ZDHHC2: variants seen among roughly 807,000 people sequenced by gnomAD.
The protein encoded by ZDHHC2 is zDHHC palmitoyltransferase 2.
A neutral mutation model predicts 55.6 loss-of-function variants in ZDHHC2; 51 were observed. The ratio of observed to expected loss-of-function variants is 0.92; its 90% CI spans 0.73 to 1.16. The LOEUF (loss-of-function observed/expected upper bound fraction) is 1.16. ZDHHC2 is among the 50% of genes most tolerant of loss of function. The pLI, the probability that ZDHHC2 is intolerant of heterozygous loss-of-function variation, is 0.00. For missense variants in ZDHHC2, 491 were observed against 442.4 expected, an observed-to-expected ratio of 1.11 and a Z score of -0.99; for synonymous variants, 199 against 152.9, an observed-to-expected ratio of 1.30 and a Z score of -2.22.
rs377155242 is a variant in ZDHHC2 at position 17,199,637 on chromosome 8, TCTCCTCCTCCTCCTC to T, written c.476+1226_476+1240del. 2.2e-4 allele frequency among the ~76,000 whole-genome samples: 22 copies of T among 98,504 alleles called. 1 individual carries two copies. Among genetic ancestry groups the T allele is most frequent in the South Asian group, 1.2e-3 (4 of 3,268 alleles). The allele number at this position is 98,504 out of a possible 152,430, so 64.6% of individuals were successfully genotyped here. On this transcript the variant is annotated intron_variant, in intron 6 of 12. Coordinates refer to ENST00000262096, the MANE Select transcript of ZDHHC2 (RefSeq NM_016353.5). ...CTTCTTCTTCTTCCTTTCTTCTTCT[TCTCCTCCTCCTCCTC>T]CCTCCTCCCTCCTCCCTCCTTCTTC... is the stretch of plus-strand genomic sequence containing the variant.
intron 1 of ZDHHC2, among the ~76,000 whole-genome samples, chr8:17,157,942 C>T (rs866554272): frequency 2.6e-5 from 4 of 152,262 alleles, no homozygotes; most frequent in Middle Eastern, 3.4e-3. Flanking sequence ...AGCCATCTTA[C>T]CTCAAAATGT....
At chr8:17,172,770 A>C (rs1159329833) in intron 1 of ZDHHC2, among the ~76,000 whole-genome samples, 1 of 152,032 alleles carries the variant, frequency 6.6e-6, no homozygotes, top group African/African-American at 2.4e-5. Flanking sequence ...AATTGGAGTA[A>C]TTATCGTTCC....
intron 1 of ZDHHC2, among the ~76,000 whole-genome samples, chr8:17,160,677 C>A (rs961575888): frequency 6.6e-6 from 1 of 152,180 alleles, no homozygotes; most frequent in Non-Finnish European, 1.5e-5. Flanking sequence ...AGAGAGTTGA[C>A]AGAGCTCTGA....
At chr8:17,215,461 G>A (rs1807605009) in intron 11 of ZDHHC2, 112 bp downstream of exon 11, 1 of 819,760 alleles carries the variant, frequency 1.2e-6, no homozygotes, top group Non-Finnish European at 2.0e-6. Context: ...TTTGGAGTCA[G>A]ACTTCTATTC....
At chr8:17,209,350 C>T (rs1807260190) in intron 8 of ZDHHC2, among the ~76,000 whole-genome samples, 2 of 152,064 alleles carry the variant, frequency 1.3e-5, no homozygotes, top group African/African-American at 2.4e-5. Context: ...AATACTTAGC[C>T]AGGCATGGTG....
chr8:17,201,578 C>T (rs1166615283), intron 6 of ZDHHC2, among the ~76,000 whole-genome samples: 2 of 145,696 alleles, frequency 1.4e-5, no homozygotes, highest in East Asian at 2.1e-4. Context: ...CTGCAAGCTC[C>T]GCCTCCTGGG....
rs562850565 is a variant in ZDHHC2, at chr8:17,191,558, C to T, written c.253-3946C>T. Among the ~76,000 whole-genome samples the T allele has an allele frequency of 6.3e-4, 96 of 152,336 alleles. 1 individual carries two copies. Among genetic ancestry groups the T allele is most frequent in the Non-Finnish European group, 7.1e-4 (48 of 68,032 alleles). ...TTTAGCTCCCACAAGTAAGTGAGAG[C>T]ATGCAAAGTTTGTCTTTCTCTGCCT... On this transcript the variant is annotated intron_variant, in intron 3 of 12. Coordinates refer to ENST00000262096, the MANE Select transcript of ZDHHC2 (RefSeq NM_016353.5).
intron 2 of ZDHHC2, among the ~76,000 whole-genome samples, chr8:17,185,199 G>T (rs1024001594): frequency 6.6e-6 from 1 of 152,048 alleles, no homozygotes; most frequent in African/African-American, 2.4e-5. Flanking sequence ...GATTCTATGA[G>T]TATCCTCATT....
In ZDHHC2 at chr8:17,224,698, T is replaced by C. The variant is rs892147326; in HGVS notation, c.*4477T>C. ...TCTCCTGTTGTATTTTTCTCAGTTATGAGAGCAAGGCTATTTTGTCAGTTT... is the reference window on the plus strand; with the variant it reads ...TCTCCTGTTGTATTTTTCTCAGTTACGAGAGCAAGGCTATTTTGTCAGTTT... On this transcript the variant is annotated 3_prime_UTR_variant, in exon 13 of 13. Transcript: ENST00000262096. 6.6e-6 allele frequency: 1 copy of C among 151,790 alleles called. No individual in the cohort carries two copies. Among genetic ancestry groups the C allele is most frequent in the African/African-American group, 2.4e-5 (1 of 41,418 alleles). The allele number at this position is 151,790 out of a possible 1,614,324, so 9.4% of individuals were successfully genotyped here.
intron 6 of ZDHHC2, among the ~76,000 whole-genome samples, chr8:17,205,031 G>A (rs913137427): frequency 6.6e-6 from 1 of 152,116 alleles, no homozygotes; most frequent in Non-Finnish European, 1.5e-5. Context: ...TGACCTCAGA[G>A]TGTTTTACTT....
intron 6 of ZDHHC2, among the ~76,000 whole-genome samples, chr8:17,205,320 G>A (rs1056914865): frequency 6.6e-6 from 1 of 152,220 alleles, no homozygotes; most frequent in African/African-American, 2.4e-5. Flanking sequence ...TAGAGGAAGG[G>A]TTTAGTAAAT....
chr8:17,199,643 C>CTTCTTCTTCCTTTCTTCTTCTT (rs1806628328), intron 6 of ZDHHC2, among the ~76,000 whole-genome samples: 5 of 54,178 alleles, frequency 9.2e-5, no homozygotes, highest in African/African-American at 1.8e-4. Context: ...TTCTTCTCCT[C>CTTCTTCTTCCTTTCTTCTTCTT]CTCCTCCTCC....
chr8:17,180,270 G>A lies in ZDHHC2; in HGVS notation c.131-4519G>A, dbSNP rs1261499532. Among the ~76,000 whole-genome samples, 9 of 152,214 alleles carry A rather than the reference G, an allele frequency of 5.9e-5. No homozygotes were observed. In the South Asian group the frequency reaches 1.2e-3, roughly 21 times the overall value. On this transcript the variant is annotated intron_variant, in intron 1 of 12. Transcript: ENST00000262096. ...AAGGACTAACTGGCACATCAAGATC[G>A]AAGTTTTAACATCTCATCATTACTC...
Position 17,156,863 on chromosome 8 carries a change from C to T in ZDHHC2, c.130+10C>T, listed in dbSNP as rs1457911936. 5.4e-6 allele frequency: 8 copies of T among 1,487,866 alleles called. No homozygotes were observed. Among genetic ancestry groups the T allele is most frequent in the African/African-American group, 1.5e-5 (1 of 68,256 alleles). The allele number at this position is 1,487,866 out of a possible 1,614,324, so 92.2% of individuals were successfully genotyped here. ...ATCCAGCTGTGCATAGGTGAGTGCG[C>T]CCCCCGCCGCGGCGCCCCCAGCGCA... On this transcript the variant is annotated intron_variant, in intron 1 of 12. Coordinates refer to ENST00000262096, the MANE Select transcript of ZDHHC2 (RefSeq NM_016353.5).
chr8:17,199,546 T>TGTCTTC (rs200556191), intron 6 of ZDHHC2, among the ~76,000 whole-genome samples: 2,488 of 40,464 alleles, frequency 0.061, 234 homozygotes, highest in East Asian at 0.38. Context: ...CTTCGTCTTC[T>TGTCTTC]GTCTTCGTCT....
chr8:17,157,361 T>C (rs935444066), intron 1 of ZDHHC2: 1 of 153,102 alleles, frequency 6.5e-6, no homozygotes, highest in Admixed American at 6.5e-5. Flanking sequence ...TTGCTGCCTT[T>C]ATGATTTGAG....
At chr8:17,163,696 TATG>T in intron 1 of ZDHHC2, among the ~76,000 whole-genome samples, 1 of 152,294 alleles carries the variant, frequency 6.6e-6, no homozygotes, top group Middle Eastern at 3.4e-3. Flanking sequence ...CAGCACTGCT[TATG>T]ATGAGTGTAG....
intron 3 of ZDHHC2, among the ~76,000 whole-genome samples, chr8:17,190,152 A>T (rs577580164): frequency 1.3e-3 from 201 of 152,258 alleles, no homozygotes; most frequent in African/African-American, 4.5e-3. Context: ...CTATTAGCTG[A>T]TAAAATATAT....
In ZDHHC2 at chr8:17,209,564, A is replaced by C. The variant is rs111694949; in HGVS notation, c.731-368A>C. On this transcript the variant is annotated intron_variant, in intron 8 of 12. Coordinates refer to ENST00000262096, the MANE Select transcript of ZDHHC2 (RefSeq NM_016353.5). Reference sequence around the variant, plus strand: ...AAGATAGTCTGATTGTGGTTTTCTTAAAAAATACACGTGTAGATTTGTAGA... The same window carrying C: ...AAGATAGTCTGATTGTGGTTTTCTTCAAAAATACACGTGTAGATTTGTAGA... Among the ~76,000 whole-genome samples the C allele has an allele frequency of 2.6e-3, 402 of 152,236 alleles. 2 individuals are homozygous for C. Among genetic ancestry groups the C allele is most frequent in the African/African-American group, 8.9e-3 (371 of 41,520 alleles).
Sources: allele counts gnomAD v4.1 joint callset (sites outside exome capture counted in the v4.1 genomes callset), GRCh38; gene constraint gnomAD v4.1.1; transcripts MANE v1.5; gene names NCBI Gene and HGNC (gene_info 2026-07-23, HGNC 2026-07-21).